MICU3: variants seen among roughly 807,000 people sequenced by gnomAD.
MICU3 encodes the protein mitochondrial calcium uptake 3, also known as calcium uptake protein 3, mitochondrial.
In MICU3, 62 loss-of-function variants were observed where a neutral mutation model predicts 66.5. That is an observed-to-expected ratio of 0.93 (90% CI 0.76 to 1.15). The LOEUF is 1.15. MICU3 is among the 50% of genes most tolerant of loss of function. MICU3 has a pLI of 0.00. For missense variants in MICU3, 779 were observed against 664.4 expected (o/e 1.17, Z -1.90); for synonymous variants, 308 against 240.7 (o/e 1.28, Z -2.59).
chr8:17,131,019 A>T, the MICU3 span, among the ~76,000 whole-genome samples: 3 of 152,244 alleles, frequency 2.0e-5, no homozygotes, highest in Admixed American at 2.0e-4. Context: ...AAGAAACTGG[A>T]GTGGCTGTAT....
At position 17,122,363 on chromosome 8, in the gene MICU3, G is replaced by C. The variant is rs1332563631; in HGVS notation, c.*2076G>C. On this transcript the variant is annotated 3_prime_UTR_variant, in exon 15 of 15. Transcript: ENST00000318063. ...TCAATTTAAAATTTGCTAGTGGTTT[G>C]AAAATAATAATGTACTGACTACATG... 2 of 151,790 alleles carry C rather than the reference G, an allele frequency of 1.3e-5. No homozygotes were observed. The highest frequency in any genetic ancestry group is 3.0e-5 in the Non-Finnish European group (2 of 67,736). The allele number at this position is 151,790 out of a possible 1,614,324, so 9.4% of individuals were successfully genotyped here. A position where few individuals can be genotyped will look rare whatever the true frequency, so the allele number is the denominator to read the frequency against.
intron 1 of MICU3, among the ~76,000 whole-genome samples, chr8:17,046,603 T>C (rs1192010957): frequency 2.0e-5 from 3 of 152,028 alleles, no homozygotes; most frequent in East Asian, 1.9e-4. Flanking sequence ...TGTGAGTTAC[T>C]TGGGGGAGGA....
At chr8:17,043,026 G>T (rs1304444267) in intron 1 of MICU3, among the ~76,000 whole-genome samples, 1 of 131,732 alleles carries the variant, frequency 7.6e-6, no homozygotes, top group Non-Finnish European at 1.5e-5. Context: ...TGCAAGCTCC[G>T]CCTCTTGGGT....
intron 1 of MICU3, among the ~76,000 whole-genome samples, chr8:17,053,799 A>G (rs1816478065): frequency 6.6e-6 from 1 of 152,224 alleles, no homozygotes; most frequent in African/African-American, 2.4e-5. Flanking sequence ...TTCTAGAGGT[A>G]GAAAGAAGAA....
At chr8:17,084,157 A>G (rs903190715) in intron 5 of MICU3, among the ~76,000 whole-genome samples, 2 of 152,136 alleles carry the variant, frequency 1.3e-5, no homozygotes, top group East Asian at 1.9e-4. Flanking sequence ...TTGGTTACCT[A>G]TCTATAAGTG....
At chr8:17,095,195 T>G (rs1208918341) in intron 8 of MICU3, among the ~76,000 whole-genome samples, 1 of 152,002 alleles carries the variant, frequency 6.6e-6, no homozygotes, top group Non-Finnish European at 1.5e-5. Flanking sequence ...TTCTGTTGTT[T>G]GTTTCTGCTG....
intron 1 of MICU3, among the ~76,000 whole-genome samples, chr8:17,056,083 C>G (rs138694768): frequency 1.3e-5 from 2 of 152,256 alleles, no homozygotes; most frequent in Non-Finnish European, 2.9e-5. Context: ...ATTAATGTAA[C>G]TGATTGATCC....
At chr8:17,117,458 G>C (rs976299925) in intron 13 of MICU3, among the ~76,000 whole-genome samples, 1 of 151,938 alleles carries the variant, frequency 6.6e-6, no homozygotes, top group East Asian at 1.9e-4. Flanking sequence ...ATGTTTTAAA[G>C]CTGGAAATAT....
chr8:17,066,952 C>A (rs1459825225), intron 2 of MICU3, among the ~76,000 whole-genome samples: 3 of 152,070 alleles, frequency 2.0e-5, no homozygotes, highest in Non-Finnish European at 4.4e-5. Flanking sequence ...TTGGAAATAA[C>A]TTTTGTGGTG....
intron 1 of MICU3, among the ~76,000 whole-genome samples, chr8:17,061,359 A>C (rs545988182): frequency 1.3e-5 from 2 of 152,120 alleles, no homozygotes; most frequent in South Asian, 4.1e-4. Flanking sequence ...ATGAAAAAAC[A>C]GGCATCTCAG....
downstream of MICU3, among the ~76,000 whole-genome samples, chr8:17,125,504 C>G (rs770522327): frequency 2.0e-5 from 3 of 152,066 alleles, no homozygotes; most frequent in Admixed American, 6.6e-5. Context: ...CTGAGATGAG[C>G]TTTTGACTGA....
At chr8:17,031,295 A>ATTATTATTATTG (rs993508057) in intron 1 of MICU3, among the ~76,000 whole-genome samples, 1 of 147,906 alleles carries the variant, frequency 6.8e-6, no homozygotes, top group Non-Finnish European at 1.5e-5. Context: ...TATTATTATT[A>ATTATTATTATTG]TTATTATTTT....
chr8:17,124,219 G>C (rs945842672), downstream of MICU3, among the ~76,000 whole-genome samples: 2 of 151,972 alleles, frequency 1.3e-5, no homozygotes, highest in Non-Finnish European at 2.9e-5. Context: ...AGTATAACCT[G>C]AGTTAATTAT....
chr8:17,064,283 A>T, intron 2 of MICU3, 46 bp downstream of exon 2: 1 of 1,495,758 alleles, frequency 6.7e-7, no homozygotes, highest in Non-Finnish European at 9.1e-7. Context: ...TAATTTTTTT[A>T]TCTCTAGCTT....
At chr8:17,078,804 G>T (rs530609857) in intron 4 of MICU3, among the ~76,000 whole-genome samples, 1 of 151,986 alleles carries the variant, frequency 6.6e-6, no homozygotes, top group Non-Finnish European at 1.5e-5. Context: ...TTTATTGTAG[G>T]TGTTTCATAA....
rs916602298 is a variant in MICU3, at chr8:17,116,661, A to G, written c.1524+61A>G. On this transcript the variant is annotated intron_variant, in intron 13 of 14. Transcript: ENST00000318063. Reference sequence around the variant, plus strand: ...TTTAAAGTCTGAGGGAAATCAATCCATCTAAGTTGAGAAATAATTTATCTT... The same window carrying G: ...TTTAAAGTCTGAGGGAAATCAATCCGTCTAAGTTGAGAAATAATTTATCTT... 1.4e-5 allele frequency: 17 copies of G among 1,179,254 alleles called. No homozygotes were observed. In the Admixed American group the frequency reaches 3.7e-4, roughly 25 times the overall value. The allele number at this position is 1,179,254 out of a possible 1,614,324, so 73.0% of individuals were successfully genotyped here.
chr8:17,032,726 T>A (rs1812307491), intron 1 of MICU3, among the ~76,000 whole-genome samples: 1 of 152,216 alleles, frequency 6.6e-6, no homozygotes, highest in South Asian at 2.1e-4. Context: ...GTGCTTCATT[T>A]TCTTGTGCTT....
intron 1 of MICU3, among the ~76,000 whole-genome samples, chr8:17,063,715 A>G (rs576004010): frequency 2.0e-4 from 31 of 152,258 alleles, no homozygotes; most frequent in African/African-American, 5.8e-4. Flanking sequence ...ACATTAGCCT[A>G]TAAGAGTACA....
chr8:17,088,534 A>T (rs1799711761), intron 7 of MICU3, among the ~76,000 whole-genome samples: 1 of 151,968 alleles, frequency 6.6e-6, no homozygotes, highest in Non-Finnish European at 1.5e-5. Context: ...TTGTTAATAA[A>T]ATACTATTTA....
Sources: gnomAD v4.1 joint callset for allele counts (sites outside exome capture counted in the v4.1 genomes callset) on GRCh38, gnomAD v4.1.1 for gene constraint, MANE v1.5 for transcripts, NCBI Gene and HGNC (gene_info 2026-07-23, HGNC 2026-07-21) for gene names.